Variants in NUAK2 observed in about 807,000 individuals in gnomAD.
NUAK2 encodes the protein NUAK family SNF1-like kinase 2.
In NUAK2, 20 loss-of-function variants were observed where a neutral mutation model predicts 29.8. The ratio of observed to expected loss-of-function variants is 0.67; its 90% CI spans 0.47 to 0.98. The LOEUF (loss-of-function observed/expected upper bound fraction) is 0.98. Among genes scored for constraint, NUAK2 ranks in the 50% least tolerant of loss-of-function variants. The pLI, the probability that NUAK2 is intolerant of heterozygous loss-of-function variation, is 0.00. For synonymous variants in NUAK2, 331 were observed against 342.6 expected, an observed-to-expected ratio of 0.97 and a Z score of 0.37; for missense variants, 719 against 834.5, an observed-to-expected ratio of 0.86 and a Z score of 1.71.
chr1:205,311,922 C>T (rs1352209373), intron 1 of NUAK2, 97 bp from the exon 2 acceptor site: 1 of 1,490,396 alleles, frequency 6.7e-7, no homozygotes, highest in African/African-American at 1.4e-5. Context: ...CTATAAAGGC[C>T]ACAGAGTACA....
At chr1:205,311,513 G>T (rs2102254026) in intron 2 of NUAK2, among the ~76,000 whole-genome samples, 192 bp downstream of exon 2, 1 of 152,300 alleles carries the variant, frequency 6.6e-6, no homozygotes, top group African/African-American at 2.4e-5. Context: ...AGGAACTGAG[G>T]CCCAGAGACT....
intron 1 of NUAK2, among the ~76,000 whole-genome samples, chr1:205,316,351 A>G (rs1181016395): frequency 6.6e-6 from 1 of 152,234 alleles, no homozygotes; most frequent in African/African-American, 2.4e-5. Context: ...GGACAGTCCC[A>G]CAGTCCAGTG....
chr1:205,314,383 T>A (rs903931012), intron 1 of NUAK2, among the ~76,000 whole-genome samples: 6 of 152,138 alleles, frequency 3.9e-5, no homozygotes, highest in Admixed American at 3.3e-4. Flanking sequence ...GATGGGGCTA[T>A]CCCCCTTCTG....
At chr1:205,318,617 G>C (rs1230968520) in intron 1 of NUAK2, among the ~76,000 whole-genome samples, 2 of 152,208 alleles carry the variant, frequency 1.3e-5, no homozygotes, top group Non-Finnish European at 2.9e-5. Flanking sequence ...GGCCCTAATG[G>C]TTCCCCTTGG....
Position 205,304,579 on chromosome 1 carries a change from C to T in NUAK2, c.824-66G>A. 7.7e-7 allele frequency: 1 copy of T among 1,305,586 alleles called. No individual in the cohort carries two copies. The highest frequency in any genetic ancestry group is 2.5e-5 in the East Asian group (1 of 39,662). The allele number at this position is 1,305,586 out of a possible 1,614,324, so 80.9% of individuals were successfully genotyped here. A position where few individuals can be genotyped will look rare whatever the true frequency, so the allele number is the denominator to read the frequency against. On this transcript the variant is annotated intron_variant, in intron 6 of 6. Transcript: ENST00000367157. This position sits in a 1 kb window ranked among gnomAD's most constrained non-coding sequence, Gnocchi z 6.5. ...AGAATAGGCACTCCCTGTCCCCTGT[C>T]CCCAGCTCATCCCCTTTTGAGCTAT...
At chr1:205,310,125 C>T (rs1411976334) in intron 2 of NUAK2, among the ~76,000 whole-genome samples, 1 of 152,258 alleles carries the variant, frequency 6.6e-6, no homozygotes, top group African/African-American at 2.4e-5. Context: ...GAAGAGCCTT[C>T]TCCCTAGAGG....
Position 205,310,745 on chromosome 1 carries a change from G to T in NUAK2, c.352+960C>A, listed in dbSNP as rs868011729. On this transcript the variant is annotated intron_variant, in intron 2 of 6. Coordinates refer to ENST00000367157, the MANE Select transcript of NUAK2 (RefSeq NM_030952.3). The stretch of plus-strand genomic sequence containing the variant: ...AGCCTGGCTTAACCAATACTTTGTT[G>T]TCTCCCCACTCTTCCCTGAGGGAAG... Among the ~76,000 whole-genome samples, 10 of 152,178 alleles carry T rather than the reference G, an allele frequency of 6.6e-5. 1 individual carries two copies. Among genetic ancestry groups the T allele is most frequent in the South Asian group, 4.2e-4 (2 of 4,818 alleles).
chr1:205,304,425 G>A lies in NUAK2; in HGVS notation c.912C>T (p.Asn304=), dbSNP rs113426446. ...LEDVASHWWV[N]WGYATRVGEQ... is the part of the protein sequence containing the mutation. ...CTCCCACTCGGGTGGCGTAGCCCCA[G>A]TTGACCCACCAGTGACTGGCCACAT... Residue 304 remains asparagine (N), a synonymous_variant, in exon 7 of 7, where the codon AAC becomes AAT. Transcript: ENST00000367157. This position sits in a 1 kb window ranked among gnomAD's most constrained non-coding sequence, Gnocchi z 6.5. 72 of 1,590,546 alleles carry A rather than the reference G, an allele frequency of 4.5e-5. No homozygotes were observed. The highest frequency in any genetic ancestry group is 3.1e-4 in the African/African-American group (23 of 74,640).
Position 205,304,231 on chromosome 1 carries a change from T to C in NUAK2, c.1106A>G (p.Glu369Gly), listed in dbSNP as rs1236977352. 2.5e-6 allele frequency: 4 copies of C among 1,614,102 alleles called. No homozygotes were observed. In the South Asian group the frequency reaches 4.4e-5, roughly 18 times the overall value. Residue 369 changes from glutamate (E) to glycine (G), a missense_variant, in exon 7 of 7, where the codon GAG becomes GGG. Around this residue, in one of 3 missense-constraint regions of NUAK2, gnomAD observed 430 missense variants for 465.7 expected, o/e 0.92. Coordinates refer to ENST00000367157, the MANE Select transcript of NUAK2 (RefSeq NM_030952.3). This position sits in a 1 kb window ranked among gnomAD's most constrained non-coding sequence, Gnocchi z 6.5. Reference protein sequence around the residue: ...PGGGSTTPGLERQHSLKKSRK... With the variant: ...PGGGSTTPGLGRQHSLKKSRK... ...GGACTTCTTGAGCGAATGCTGGCGC[T>C]CCAGGCCAGGGGTGGTGCTTCCCCC... is the stretch of plus-strand genomic sequence containing the variant.
At chr1:205,320,740 C>CGA (rs1662402596) in intron 1 of NUAK2, among the ~76,000 whole-genome samples, 1 of 152,178 alleles carries the variant, frequency 6.6e-6, no homozygotes, top group East Asian at 1.9e-4. Flanking sequence ...CTCCTACGCT[C>CGA]GCACCAAAGT....
rs1174914170 is a variant in NUAK2 at position 205,308,129 on chromosome 1, G to C, written c.570+36C>G. ...GGACAGTGCAGAAAAGCTGGGGTGG[G>C]CAAGGAGGCTTCTAGAAATAAGAAG... is the stretch of plus-strand genomic sequence containing the variant. On this transcript the variant is annotated intron_variant, in intron 4 of 6. Transcript: ENST00000367157. This position sits in a 1 kb window ranked among gnomAD's most constrained non-coding sequence, Gnocchi z 4.1. The C allele has an allele frequency of 1.4e-6, 2 of 1,443,102 alleles. No homozygotes were observed. The highest frequency in any genetic ancestry group is 3.5e-5 in the Admixed American group (2 of 56,758). The allele number at this position is 1,443,102 out of a possible 1,614,324, so 89.4% of individuals were successfully genotyped here.
chr1:205,318,652 C>G (rs1181759037), intron 1 of NUAK2, among the ~76,000 whole-genome samples: 1 of 152,228 alleles, frequency 6.6e-6, no homozygotes, highest in Non-Finnish European at 1.5e-5. Context: ...TGCAGATCAT[C>G]CAAAGGCTTT....
chr1:205,306,409 C>A, intron 4 of NUAK2, 102 bp from the exon 5 acceptor site: 1 of 1,454,486 alleles, frequency 6.9e-7, no homozygotes, highest in South Asian at 1.4e-5. Context: ...ACCCAAGCTC[C>A]AATAGAAGGA....
At chr1:205,305,170 G>C (rs1237173541) in intron 6 of NUAK2, 29 bp downstream of exon 6, 1 of 1,609,252 alleles carries the variant, frequency 6.2e-7, no homozygotes, top group East Asian at 2.2e-5. Context: ...CCCCAGGCCT[G>C]GATAAGAACG....
chr1:205,319,924 T>TACACACAC (rs377521023), intron 1 of NUAK2, among the ~76,000 whole-genome samples: 159 of 78,502 alleles, frequency 2.0e-3, no homozygotes, highest in Middle Eastern at 5.2e-3. Flanking sequence ...GGGCAAACCA[T>TACACACAC]ACACACACAC....
intron 1 of NUAK2, among the ~76,000 whole-genome samples, chr1:205,315,913 A>T (rs767421200): frequency 1.3e-5 from 2 of 152,128 alleles, no homozygotes; most frequent in Non-Finnish European, 2.9e-5. Flanking sequence ...ACTAAAACCA[A>T]GGAAGAGGGT....
chr1:205,309,897 A>G lies in NUAK2; in HGVS notation c.353-1165T>C, dbSNP rs140961638. On this transcript the variant is annotated intron_variant, in intron 2 of 6. Coordinates refer to ENST00000367157, the MANE Select transcript of NUAK2 (RefSeq NM_030952.3). Reference sequence around the variant, plus strand: ...TGGCTGGGTTCCTGGCAGCCACCTCATCCCAGCTGGCTCATCTCTCTGGGT... The same window carrying G: ...TGGCTGGGTTCCTGGCAGCCACCTCGTCCCAGCTGGCTCATCTCTCTGGGT... Among the ~76,000 whole-genome samples, 459 of 152,312 alleles carry G rather than the reference A, an allele frequency of 3.0e-3. 6 individuals are homozygous for G. Among genetic ancestry groups the G allele is most frequent in the South Asian group, 0.018 (88 of 4,822 alleles).
rs141631600 is a variant in NUAK2, at chr1:205,318,912, A to C, written c.231+2486T>G. ...CCATCTAGGCAGGTTGGGAGCGGGA[A>C]GTGTGCTAGAAAGGTGGAGAGAAAA... On this transcript the variant is annotated intron_variant, in intron 1 of 6. Coordinates refer to ENST00000367157, the MANE Select transcript of NUAK2 (RefSeq NM_030952.3). Among the ~76,000 whole-genome samples, 263 of 152,288 alleles carry C rather than the reference A, an allele frequency of 1.7e-3. 1 individual carries two copies. The highest frequency in any genetic ancestry group is 2.2e-3 in the Non-Finnish European group (147 of 68,022).
chr1:205,315,451 T>G (rs925384063), intron 1 of NUAK2, among the ~76,000 whole-genome samples: 1 of 152,224 alleles, frequency 6.6e-6, no homozygotes, highest in Non-Finnish European at 1.5e-5. Context: ...ATGGGAGCAG[T>G]GCTCAGATAA....
Sources: gnomAD v4.1 joint callset for allele counts (sites outside exome capture counted in the v4.1 genomes callset) on GRCh38, gnomAD v4.1.1 for gene constraint, gnomAD v4.1.1 regional missense constraint, Gnocchi (gnomAD v3.1) non-coding constraint, MANE v1.5 for transcripts, NCBI Gene and HGNC (gene_info 2026-07-23, HGNC 2026-07-21) for gene names.